The following TAS2R1 variants were observed in gnomAD, a reference collection of about 807,000 sequenced individuals.
TAS2R1 encodes taste 2 receptor member 1, also known as taste receptor type 2 member 1.
For synonymous variants in TAS2R1, 141 were observed against 134.2 expected, an observed-to-expected ratio of 1.05 and a Z score of -0.35; for missense variants, 370 against 353.4, an observed-to-expected ratio of 1.05 and a Z score of -0.38.
the TAS2R1 span, among the ~76,000 whole-genome samples, chr5:9,862,195 A>G: frequency 1.1e-5 from 1 of 92,632 alleles, no homozygotes; most frequent in South Asian, 3.0e-4. Context: ...AAGCAACGTT[A>G]AGTTTAAAAA....
chr5:9,708,731 T>G (rs976900686), intron 1 of TAS2R1, among the ~76,000 whole-genome samples: 1 of 152,164 alleles, frequency 6.6e-6, no homozygotes, highest in Non-Finnish European at 1.5e-5. Context: ...CTCTCCTGTG[T>G]ATGTCAGAAA....
At chr5:9,758,608 T>C in the TAS2R1 span, among the ~76,000 whole-genome samples, 1 of 152,146 alleles carries the variant, frequency 6.6e-6, no homozygotes, top group Non-Finnish European at 1.5e-5. Flanking sequence ...ATATTTCCAA[T>C]CCTTGCTGCC....
the TAS2R1 span, among the ~76,000 whole-genome samples, chr5:9,899,049 C>A: frequency 6.6e-6 from 1 of 152,160 alleles, no homozygotes; most frequent in African/African-American, 2.4e-5. Flanking sequence ...CTTTTGGACA[C>A]TATAAATGCC....
the TAS2R1 span, among the ~76,000 whole-genome samples, chr5:9,764,104 T>A: frequency 1.3e-5 from 2 of 152,210 alleles, no homozygotes; most frequent in African/African-American, 4.8e-5. Flanking sequence ...TGTTTAACAG[T>A]CAGACTACAG....
chr5:9,747,722 G>C, the TAS2R1 span, among the ~76,000 whole-genome samples: 249 of 152,074 alleles, frequency 1.6e-3, 3 homozygotes, highest in Middle Eastern at 6.8e-3. Context: ...CAGAGCACCA[G>C]GGGAGAAAGT....
At chr5:9,770,643 T>C in the TAS2R1 span, among the ~76,000 whole-genome samples, 1 of 152,196 alleles carries the variant, frequency 6.6e-6, no homozygotes, top group African/African-American at 2.4e-5. Flanking sequence ...TCCTAGGTAT[T>C]TAATTTCATT....
At chr5:9,764,626 T>C in the TAS2R1 span, among the ~76,000 whole-genome samples, 1 of 152,190 alleles carries the variant, frequency 6.6e-6, no homozygotes, top group African/African-American at 2.4e-5. Flanking sequence ...GAAGCATATA[T>C]GTAAACATTG....
chr5:9,889,197 C>A, the TAS2R1 span, among the ~76,000 whole-genome samples: 1 of 152,194 alleles, frequency 6.6e-6, no homozygotes, highest in Non-Finnish European at 1.5e-5. Context: ...GCTCAGGGTA[C>A]ATTTCTGGTT....
the TAS2R1 span, among the ~76,000 whole-genome samples, chr5:9,756,046 C>T: frequency 2.0e-5 from 3 of 152,182 alleles, no homozygotes; most frequent in African/African-American, 7.2e-5. Context: ...CTTTATTCTA[C>T]CCAGCCCCAA....
rs1361315484 is a variant in TAS2R1 at position 9,628,525 on chromosome 5, A to G, written c.*608T>C. 1.3e-5 allele frequency among the ~76,000 whole-genome samples: 2 copies of G among 152,174 alleles called. No individual in the cohort carries two copies. Among genetic ancestry groups the G allele is most frequent in the South Asian group, 2.1e-4 (1 of 4,830 alleles). ...GCTCTCTGCAGGATGAAGTAGGAGA[A>G]TATGCTTATAAGGATGGAGAAGGCC... is the stretch of plus-strand genomic sequence containing the variant. On this transcript the variant is annotated 3_prime_UTR_variant, in exon 1 of 1. Coordinates refer to ENST00000382492, the MANE Select transcript of TAS2R1 (RefSeq NM_019599.3).
At chr5:9,643,958 T>G (rs1019042464) in intron 2 of TAS2R1, among the ~76,000 whole-genome samples, 2 of 151,714 alleles carry the variant, frequency 1.3e-5, no homozygotes, top group Non-Finnish European at 2.9e-5. Flanking sequence ...GAGGAGGAAA[T>G]AGTATCCTCA....
At chr5:9,633,711 A>AT (rs1039729091), upstream of TAS2R1, among the ~76,000 whole-genome samples, 2 of 150,740 alleles carry the variant, frequency 1.3e-5, no homozygotes, top group African/African-American at 4.9e-5. Flanking sequence ...GATGTTGAGC[A>AT]TTTTTTTCAT....
chr5:9,649,683 G>A (rs1026953566), intron 2 of TAS2R1, among the ~76,000 whole-genome samples: 2 of 152,136 alleles, frequency 1.3e-5, no homozygotes, highest in Non-Finnish European at 2.9e-5. Flanking sequence ...ATGCAAAAAT[G>A]CATTAAAAGT....
chr5:9,629,366 G>C lies in TAS2R1; in HGVS notation c.667C>G (p.Pro223Ala), dbSNP rs141197570. ...AGGATAGACAGCAACGCGCTGATGGGTGCACCCCTGCCAGGAACCCTGCTG... is the reference window on the plus strand; with the variant it reads ...AGGATAGACAGCAACGCGCTGATGGCTGCACCCCTGCCAGGAACCCTGCTG... ...AGSRVPGRGA[P>A]ISALLSILSF... is the part of the protein sequence containing the mutation. Residue 223 changes from proline (P) to alanine (A), a missense_variant, in exon 1 of 1, where the codon CCC becomes GCC. By Grantham distance (27) the Pro-to-Ala change is conservative. Coordinates refer to ENST00000382492, the MANE Select transcript of TAS2R1 (RefSeq NM_019599.3). 5.0e-6 allele frequency: 8 copies of C among 1,614,042 alleles called. No homozygotes were observed. The highest frequency in any genetic ancestry group is 6.8e-6 in the Non-Finnish European group (8 of 1,179,988).
the TAS2R1 span, among the ~76,000 whole-genome samples, chr5:9,734,803 TG>T: frequency 6.7e-6 from 1 of 149,072 alleles, no homozygotes; most frequent in South Asian, 2.1e-4. Flanking sequence ...ACTACAGCTG[TG>T]ATAAGACAAC....
the TAS2R1 span, among the ~76,000 whole-genome samples, chr5:9,901,570 C>T: frequency 1.3e-5 from 2 of 151,952 alleles, no homozygotes; most frequent in African/African-American, 2.4e-5. Flanking sequence ...TAATAGGGGC[C>T]TTTGAAAGCT....
chr5:9,704,765 A>C (rs910781668), intron 1 of TAS2R1, among the ~76,000 whole-genome samples: 3 of 152,192 alleles, frequency 2.0e-5, no homozygotes, highest in Admixed American at 2.0e-4. Context: ...TTTTAATAAC[A>C]CTCAAGGATG....
intron 1 of TAS2R1, among the ~76,000 whole-genome samples, chr5:9,699,998 A>G (rs1016868105): frequency 1.3e-5 from 2 of 152,168 alleles, no homozygotes; most frequent in African/African-American, 4.8e-5. Context: ...AGTATCCCAT[A>G]ATTTATCAGG....
At chr5:9,680,686 G>A (rs75909343) in intron 1 of TAS2R1, among the ~76,000 whole-genome samples, 1,900 of 152,258 alleles carry the variant, frequency 0.012, 18 homozygotes, top group Non-Finnish European at 0.016. Flanking sequence ...AAACTGCCAA[G>A]GTCATCAGAG....
Sources: gnomAD v4.1 joint callset for allele counts (sites outside exome capture counted in the v4.1 genomes callset) on GRCh38, gnomAD v4.1.1 for gene constraint, MANE v1.5 for transcripts, NCBI Gene and HGNC (gene_info 2026-07-23, HGNC 2026-07-21) for gene names.